ARID2: variants seen among roughly 807,000 people sequenced by gnomAD.
ARID2 encodes AT-rich interaction domain 2, also known as AT-rich interactive domain-containing protein 2.
Under a neutral mutation model 184.6 loss-of-function variants are expected in ARID2, and 32 were observed. That is an observed-to-expected ratio of 0.17 (90% confidence interval 0.13 to 0.23). ARID2 has a LOEUF of 0.23. Ranked by LOEUF, ARID2 falls within the 10% of genes least tolerant of loss-of-function variation. ARID2 has a pLI of 1.00. For synonymous variants in ARID2, 836 were observed against 772.6 expected (o/e 1.08, Z -1.36); for missense variants, 1,696 against 2,197.6 (o/e 0.77, Z 4.56).
At chr12:45,838,868 GTTT>G (rs537586640) in intron 10 of ARID2, among the ~76,000 whole-genome samples, 1 of 135,606 alleles carries the variant, frequency 7.4e-6, no homozygotes. Flanking sequence ...AAAATGTTTT[GTTT>G]TTTTTTTTTT....
At chr12:45,795,361 A>AC (rs1942370979) in intron 3 of ARID2, among the ~76,000 whole-genome samples, 1 of 150,036 alleles carries the variant, frequency 6.7e-6, no homozygotes, top group Non-Finnish European at 1.5e-5. Context: ...TTTTATGATA[A>AC]CTCTCTTATA....
intron 12 of ARID2, among the ~76,000 whole-genome samples, chr12:45,847,874 C>A (rs1244738615): frequency 1.3e-5 from 2 of 152,040 alleles, no homozygotes; most frequent in East Asian, 3.8e-4. Context: ...ACACTTGAAT[C>A]TTTTCCAGTA....
chr12:45,775,457 A>G (rs1941958389), intron 3 of ARID2, among the ~76,000 whole-genome samples: 1 of 152,182 alleles, frequency 6.6e-6, no homozygotes, highest in Admixed American at 6.5e-5. Context: ...CAGGTGAGAA[A>G]AGAATTTTAA....
rs755677198 is a variant in ARID2, at chr12:45,817,719, T to C, written c.468T>C (p.Asn156=). ...YGLSMDFNSP[N]DYNKLVLSLL... ...TGTCCATGGACTTTAATTCGCCAAATGATTATAATAAATTGGTGCTTTCAC... is the reference window on the plus strand; with the variant it reads ...TGTCCATGGACTTTAATTCGCCAAACGATTATAATAAATTGGTGCTTTCAC... Residue 156 remains asparagine (N), a synonymous_variant, in exon 5 of 21, where the codon AAT becomes AAC. Coordinates refer to ENST00000334344, the MANE Select transcript of ARID2 (RefSeq NM_152641.4). 7.1e-5 allele frequency: 114 copies of C among 1,612,592 alleles called. No homozygotes were observed. The highest frequency in any genetic ancestry group is 9.0e-5 in the Non-Finnish European group (106 of 1,179,802).
chr12:45,821,891 A>G (rs1441272133), intron 6 of ARID2, among the ~76,000 whole-genome samples: 1 of 152,220 alleles, frequency 6.6e-6, no homozygotes, highest in Non-Finnish European at 1.5e-5. Context: ...GTAAGTGTCC[A>G]TCTAGAGGAA....
chr12:45,816,696 TAAAC>T (rs1942810558), intron 4 of ARID2, among the ~76,000 whole-genome samples: 2 of 152,198 alleles, frequency 1.3e-5, no homozygotes, highest in African/African-American at 4.8e-5. Context: ...AGGGAATGGA[TAAAC>T]AAACTGTGTT....
At chr12:45,764,136 G>T (rs1941728404) in intron 3 of ARID2, among the ~76,000 whole-genome samples, 1 of 151,794 alleles carries the variant, frequency 6.6e-6, no homozygotes, top group African/African-American at 2.4e-5. Flanking sequence ...TTTAAGACTA[G>T]TACACTTAAC....
chr12:45,737,288 A>T (rs1352614622), intron 3 of ARID2, among the ~76,000 whole-genome samples: 2 of 151,982 alleles, frequency 1.3e-5, no homozygotes, highest in Admixed American at 6.6e-5. Context: ...CTGCCATAGA[A>T]ATTTTTGGTG....
In ARID2 at chr12:45,850,016, C is replaced by T. The variant is rs775655969; in HGVS notation, c.1913-20C>T. 9.0e-6 allele frequency: 14 copies of T among 1,561,474 alleles called. No homozygotes were observed. The highest frequency in any genetic ancestry group is 2.4e-5 in the South Asian group (2 of 82,358). ...TCAGTCATTTCATTTGGAATTTTGA[C>T]GTTTTCTTCATATTTTCAGGAATCC... On this transcript the variant is annotated intron_variant, in intron 14 of 20. Transcript: ENST00000334344.
At chr12:45,829,459 T>C (rs1167921998) in intron 6 of ARID2, among the ~76,000 whole-genome samples, 3 of 152,062 alleles carry the variant, frequency 2.0e-5, no homozygotes, top group Non-Finnish European at 4.4e-5. Context: ...TTTTCTGTCC[T>C]CATTCTTTCT....
intron 3 of ARID2, among the ~76,000 whole-genome samples, chr12:45,795,749 C>G (rs974424255): frequency 2.1e-4 from 32 of 152,020 alleles, no homozygotes; most frequent in Admixed American, 2.1e-3. Flanking sequence ...CTGTTCTTTT[C>G]TTTTCCTCCT....
chr12:45,810,583 ATACAAAAGAATGT>A (rs1353470953), intron 3 of ARID2, among the ~76,000 whole-genome samples: 1 of 152,202 alleles, frequency 6.6e-6, no homozygotes, highest in Non-Finnish European at 1.5e-5. Context: ...ATCAAATGCT[ATACAAAAGAATGT>A]TACAAAAGAA....
chr12:45,864,801 A>T (rs1943808402), intron 16 of ARID2, among the ~76,000 whole-genome samples: 1 of 152,188 alleles, frequency 6.6e-6, no homozygotes. Flanking sequence ...TGTAAAATAT[A>T]AAAGACCCCC....
chr12:45,730,040 G>A lies in ARID2; in HGVS notation c.93-4G>A, dbSNP rs878891842. On this transcript the variant is annotated splice_polypyrimidine_tract_variant and splice_region_variant and intron_variant, in intron 1 of 20. Transcript: ENST00000334344. ...ACAAGTGCGGGGCTTTTTCTCTCCC[G>A]CAGGTCGCCTTTTAAAAAAATCCCT... 4 of 1,612,858 alleles carry A rather than the reference G, an allele frequency of 2.5e-6. No homozygotes were observed. The South Asian group carries it at 3.3e-5, about 13-fold the overall frequency.
chr12:45,733,189 A>G (rs1941035161), intron 3 of ARID2, among the ~76,000 whole-genome samples: 1 of 152,228 alleles, frequency 6.6e-6, no homozygotes, highest in Non-Finnish European at 1.5e-5. Flanking sequence ...GGAAAATAAA[A>G]CCATGTGAAG....
chr12:45,849,788 T>A lies in ARID2; in HGVS notation c.1912+12T>A, dbSNP rs772647259. 1 of 1,602,126 alleles carries A rather than the reference T, an allele frequency of 6.2e-7. No homozygotes were observed. Among genetic ancestry groups the A allele is most frequent in the Non-Finnish European group, 8.5e-7 (1 of 1,173,764 alleles). ...TCCTTCACCTGCAGGTGTTAATTTTTATTGTATTTTTAAAGTATTACTGAT... is the reference window on the plus strand; with the variant it reads ...TCCTTCACCTGCAGGTGTTAATTTTAATTGTATTTTTAAAGTATTACTGAT... On this transcript the variant is annotated intron_variant, in intron 14 of 20. Coordinates refer to ENST00000334344, the MANE Select transcript of ARID2 (RefSeq NM_152641.4).
chr12:45,893,014 G>A (rs1944321850), intron 18 of ARID2, among the ~76,000 whole-genome samples: 1 of 152,060 alleles, frequency 6.6e-6, no homozygotes, highest in African/African-American at 2.4e-5. Context: ...TTACTCTTAG[G>A]TACCATTTAG....
intron 20 of ARID2, among the ~76,000 whole-genome samples, chr12:45,900,116 C>T (rs1002644975): frequency 8.6e-5 from 13 of 151,900 alleles, no homozygotes; most frequent in African/African-American, 2.9e-4. Context: ...ACTGGAGTTC[C>T]GTGGCGTGAT....
At chr12:45,876,175 T>A (rs1944005056) in intron 16 of ARID2, among the ~76,000 whole-genome samples, 1 of 152,206 alleles carries the variant, frequency 6.6e-6, no homozygotes, top group Non-Finnish European at 1.5e-5. Context: ...CTAATTTCAT[T>A]ATTGTTGAAT....
Sources: allele counts gnomAD v4.1 joint callset (sites outside exome capture counted in the v4.1 genomes callset), GRCh38; gene constraint gnomAD v4.1.1; transcripts MANE v1.5; gene names NCBI Gene and HGNC (gene_info 2026-07-23, HGNC 2026-07-21).